Variants in MED30 observed in about 807,000 individuals in gnomAD.
The protein encoded by MED30 is mediator complex subunit 30.
A neutral mutation model predicts 21.7 loss-of-function variants in MED30; 8 were observed. The ratio of observed to expected loss-of-function variants is 0.37; its 90% CI spans 0.22 to 0.67. The LOEUF is 0.67. MED30 is among the 30% of genes least tolerant of loss of function. The pLI is 0.58. For missense variants in MED30, 203 were observed against 228.2 expected (o/e 0.89, Z 0.71); for synonymous variants, 79 against 86.7 (o/e 0.91, Z 0.49).
At chr8:117,537,326 TAAAATC>T (rs1818895274) in intron 3 of MED30, among the ~76,000 whole-genome samples, 1 of 152,210 alleles carries the variant, frequency 6.6e-6, no homozygotes, top group South Asian at 2.1e-4. Flanking sequence ...CAACGTCTGT[TAAAATC>T]AATCAGTGGC....
At chr8:117,527,185 T>TA (rs1818730600) in intron 1 of MED30, among the ~76,000 whole-genome samples, 1 of 151,998 alleles carries the variant, frequency 6.6e-6, no homozygotes, top group African/African-American at 2.4e-5. Context: ...AGGATCCACT[T>TA]AAACTTTTCT....
At chr8:117,537,479 A>G (rs1818899467) in intron 3 of MED30, among the ~76,000 whole-genome samples, 1 of 152,132 alleles carries the variant, frequency 6.6e-6, no homozygotes, top group African/African-American at 2.4e-5. Flanking sequence ...TTTGTATGCT[A>G]ATTTTTTTAA....
At chr8:117,528,215 A>G (rs1196064805) in intron 1 of MED30, among the ~76,000 whole-genome samples, 2 of 151,876 alleles carry the variant, frequency 1.3e-5, no homozygotes, top group African/African-American at 4.8e-5. Flanking sequence ...TATTTTTGCA[A>G]TACCAGCCAT....
At chr8:117,531,268 A>G (rs916743473) in intron 3 of MED30, among the ~76,000 whole-genome samples, 2 of 152,080 alleles carry the variant, frequency 1.3e-5, no homozygotes, top group African/African-American at 4.8e-5. Flanking sequence ...GAATGTATTT[A>G]TCGCTGAATA....
intron 1 of MED30, among the ~76,000 whole-genome samples, chr8:117,521,648 C>T (rs1335452477): frequency 6.6e-6 from 1 of 152,102 alleles, no homozygotes; most frequent in African/African-American, 2.4e-5. Context: ...GTTCTGTAAT[C>T]ATAAATTAAT....
chr8:117,520,918 G>A lies in MED30; in HGVS notation c.42G>A (p.Gly14=), dbSNP rs1478371947. ...TGGCCGCGTCGGGGATGGCGCCCGG[G>A]CCCTTCGCCGGGCCCCAGGCTCAGC... ...PPLAASGMAP[G]PFAGPQAQQA... Residue 14 remains glycine, a synonymous_variant, in exon 1 of 4, where the codon GGG becomes GGA. Coordinates refer to ENST00000297347, the MANE Select transcript of MED30 (RefSeq NM_080651.4). 1.2e-6 allele frequency: 2 copies of A among 1,609,612 alleles called. No homozygotes were observed. Among genetic ancestry groups the A allele is most frequent in the African/African-American group, 1.3e-5 (1 of 74,876 alleles).
rs762220834 is a variant in MED30, at chr8:117,520,771, G to A, written c.-106G>A. 1.7e-6 allele frequency: 2 copies of A among 1,160,972 alleles called. No homozygotes were observed. The highest frequency in any genetic ancestry group is 2.3e-6 in the Non-Finnish European group (2 of 856,724). The allele number at this position is 1,160,972 out of a possible 1,614,324, so 71.9% of individuals were successfully genotyped here. On this transcript the variant is annotated 5_prime_UTR_variant, in exon 1 of 4. Transcript: ENST00000297347. The stretch of plus-strand genomic sequence containing the variant: ...CTGTTTTGAAATCGGGCCGCGGGGG[G>A]TCTCTCAAGCTGGTTCCAACGCTGA...
chr8:117,527,128 C>T (rs1020637548), intron 1 of MED30, among the ~76,000 whole-genome samples: 1 of 151,846 alleles, frequency 6.6e-6, no homozygotes, highest in East Asian at 1.9e-4. Flanking sequence ...CTGTTCTAGG[C>T]AAGACATAAT....
At chr8:117,529,863 C>T (rs1366256578) in intron 2 of MED30, among the ~76,000 whole-genome samples, 1 of 151,784 alleles carries the variant, frequency 6.6e-6, no homozygotes, top group Non-Finnish European at 1.5e-5. Flanking sequence ...GGAGACTAAT[C>T]GTCTTCAGGA....
intron 1 of MED30, among the ~76,000 whole-genome samples, chr8:117,521,322 A>G (rs1398204290): frequency 6.6e-6 from 1 of 152,076 alleles, no homozygotes; most frequent in Non-Finnish European, 1.5e-5. Context: ...TGCACCTTTC[A>G]AGGCAGAGAT....
intron 3 of MED30, among the ~76,000 whole-genome samples, chr8:117,539,163 G>C (rs925173840): frequency 5.9e-5 from 9 of 152,116 alleles, no homozygotes; most frequent in African/African-American, 2.2e-4. Flanking sequence ...TAAAGTACCG[G>C]GAGGTTAAAT....
chr8:117,536,490 T>C (rs1039655377), intron 3 of MED30, among the ~76,000 whole-genome samples: 1 of 152,202 alleles, frequency 6.6e-6, no homozygotes, highest in African/African-American at 2.4e-5. Context: ...ATTTTCAAGA[T>C]ATTATCATAT....
intron 2 of MED30, 96 bp from the exon 3 acceptor site, chr8:117,530,627 T>A: frequency 2.7e-6 from 2 of 750,568 alleles, no homozygotes; most frequent in Non-Finnish European, 4.3e-6. Context: ...CAAATAAAAG[T>A]ATAAAAATTG....
At position 117,539,997 on chromosome 8, in the gene MED30, T is replaced by C; in HGVS notation, c.*19T>C. The C allele has an allele frequency of 7.0e-7, 1 of 1,425,292 alleles. No individual in the cohort carries two copies. The highest frequency in any genetic ancestry group is 1.8e-5 in the Admixed American group (1 of 56,006). 88.3% of individuals were successfully genotyped at this position (1,425,292 alleles called of 1,614,324 possible). On this transcript the variant is annotated 3_prime_UTR_variant, in exon 4 of 4. Coordinates refer to ENST00000297347, the MANE Select transcript of MED30 (RefSeq NM_080651.4). Reference sequence around the variant, plus strand: ...GAACTAAGCTGATATTTAAATTTCCTGCTTTACACATGTTATACCATTGTT... The same window carrying C: ...GAACTAAGCTGATATTTAAATTTCCCGCTTTACACATGTTATACCATTGTT...
chr8:117,524,273 G>A (rs1221703194), intron 1 of MED30, among the ~76,000 whole-genome samples: 1 of 152,060 alleles, frequency 6.6e-6, no homozygotes, highest in African/African-American at 2.4e-5. Context: ...ATATAACCTA[G>A]TGATTTGTTA....
chr8:117,540,075 T>A lies in MED30; in HGVS notation c.*97T>A. Reference sequence around the variant, plus strand: ...AAGAAGATTATTTATCTGCTTTTATTTTAGTCACTAAAACTAAAGTTTTTA... The same window carrying A: ...AAGAAGATTATTTATCTGCTTTTATATTAGTCACTAAAACTAAAGTTTTTA... On this transcript the variant is annotated 3_prime_UTR_variant, in exon 4 of 4. Coordinates refer to ENST00000297347, the MANE Select transcript of MED30 (RefSeq NM_080651.4). The A allele has an allele frequency of 1.6e-6, 1 of 617,602 alleles. No individual in the cohort carries two copies. 38.3% of individuals were successfully genotyped at this position (617,602 alleles called of 1,614,324 possible).
At chr8:117,536,717 C>G (rs1416899372) in intron 3 of MED30, among the ~76,000 whole-genome samples, 1 of 152,146 alleles carries the variant, frequency 6.6e-6, no homozygotes, top group Admixed American at 6.5e-5. Flanking sequence ...TATTTAAATA[C>G]TTTTCATTTT....
intron 1 of MED30, among the ~76,000 whole-genome samples, chr8:117,527,325 A>G (rs745670810): frequency 4.4e-4 from 67 of 152,030 alleles, no homozygotes; most frequent in Admixed American, 3.0e-3. Flanking sequence ...TCAGCCTTTG[A>G]TATTTTATCA....
chr8:117,520,872 G>A lies in MED30; in HGVS notation c.-5G>A, dbSNP rs1240201142. On this transcript the variant is annotated 5_prime_UTR_variant, in exon 1 of 4. Transcript: ENST00000297347. ...CCCCTTCCGGCCTGAAGCTGCAGCC[G>A]CGCCATGTCCACCCCTCCGTTGGCC... 13 of 1,585,550 alleles carry A rather than the reference G, an allele frequency of 8.2e-6. No individual in the cohort carries two copies. The Admixed American group carries it at 2.3e-4, about 28-fold the overall frequency.
Sources: gnomAD v4.1 joint callset for allele counts (sites outside exome capture counted in the v4.1 genomes callset) on GRCh38, gnomAD v4.1.1 for gene constraint, MANE v1.5 for transcripts, NCBI Gene and HGNC (gene_info 2026-07-23, HGNC 2026-07-21) for gene names.